The following GPC5 variants were observed in gnomAD, a reference collection of about 807,000 sequenced individuals.
The protein encoded by GPC5 is glypican 5.
In GPC5, 47 loss-of-function variants were observed where a neutral mutation model predicts 53.9. The ratio of observed to expected loss-of-function variants is 0.87; its 90% CI spans 0.69 to 1.11. GPC5 has a LOEUF of 1.11. Among genes scored for constraint, GPC5 ranks in the 50% most tolerant of loss-of-function variants. The pLI is 0.00. For missense variants in GPC5, 748 were observed against 713.1 expected, an observed-to-expected ratio of 1.05 and a Z score of -0.56; for synonymous variants, 286 against 263.3, an observed-to-expected ratio of 1.09 and a Z score of -0.84.
At chr13:92,641,986 C>T (rs962151201) in intron 7 of GPC5, among the ~76,000 whole-genome samples, 1 of 151,886 alleles carries the variant, frequency 6.6e-6, no homozygotes, top group Admixed American at 6.6e-5. Context: ...TATTCTGTTA[C>T]CAGATTTGTA....
chr13:92,409,974 G>T (rs1875969214), intron 7 of GPC5, among the ~76,000 whole-genome samples: 3 of 152,194 alleles, frequency 2.0e-5, no homozygotes, highest in Admixed American at 2.0e-4. Flanking sequence ...GTGTGTATGT[G>T]TGTGTATGCA....
intron 6 of GPC5, among the ~76,000 whole-genome samples, chr13:92,109,527 C>A (rs1566439058): frequency 6.6e-6 from 1 of 152,142 alleles, no homozygotes; most frequent in East Asian, 1.9e-4. Flanking sequence ...ATCTAAAATT[C>A]TTTTTGATGA....
intron 7 of GPC5, among the ~76,000 whole-genome samples, chr13:92,587,225 A>T (rs149800079): frequency 9.8e-5 from 15 of 152,328 alleles, no homozygotes; most frequent in African/African-American, 3.4e-4. Flanking sequence ...TTGGCATTCT[A>T]TATAAAGAAC....
chr13:92,744,852 C>T (rs926206442), intron 7 of GPC5, among the ~76,000 whole-genome samples: 1 of 151,818 alleles, frequency 6.6e-6, no homozygotes, highest in African/African-American at 2.4e-5. Context: ...TAAAAGATGG[C>T]CAGATGGATA....
At chr13:92,737,688 A>C (rs1472272090) in intron 7 of GPC5, among the ~76,000 whole-genome samples, 1 of 151,650 alleles carries the variant, frequency 6.6e-6, no homozygotes, top group Non-Finnish European at 1.5e-5. Context: ...AGTCTTTTGA[A>C]GTGTGTGGCA....
At chr13:92,040,066 A>T (rs529312511) in intron 6 of GPC5, among the ~76,000 whole-genome samples, 5 of 152,224 alleles carry the variant, frequency 3.3e-5, no homozygotes, top group Non-Finnish European at 7.3e-5. Context: ...AAAAACAATG[A>T]GGATGTTGGT....
At chr13:92,246,031 T>TA (rs970987794) in intron 7 of GPC5, among the ~76,000 whole-genome samples, 2 of 151,148 alleles carry the variant, frequency 1.3e-5, no homozygotes, top group Non-Finnish European at 3.0e-5. Flanking sequence ...AATTCATCAT[T>TA]AAAAAAATCA....
intron 6 of GPC5, among the ~76,000 whole-genome samples, chr13:91,985,260 A>G (rs1407845950): frequency 6.6e-6 from 1 of 152,060 alleles, no homozygotes; most frequent in Admixed American, 6.6e-5. Context: ...ACTGGTATTG[A>G]CATAGTAATT....
chr13:92,676,833 C>T (rs1299870995), intron 7 of GPC5, among the ~76,000 whole-genome samples: 2 of 151,874 alleles, frequency 1.3e-5, no homozygotes, highest in African/African-American at 2.4e-5. Flanking sequence ...GAGTAGAAAC[C>T]TTCTATTCAA....
chr13:92,029,717 A>G (rs994372425), intron 6 of GPC5, among the ~76,000 whole-genome samples: 6 of 151,344 alleles, frequency 4.0e-5, no homozygotes, highest in African/African-American at 1.5e-4. Context: ...TGTTTAACCA[A>G]CTCCCTGGGT....
At chr13:92,664,590 A>G (rs1356743997) in intron 7 of GPC5, among the ~76,000 whole-genome samples, 2 of 152,152 alleles carry the variant, frequency 1.3e-5, no homozygotes, top group Non-Finnish European at 2.9e-5. Context: ...ATGCATGTGA[A>G]AAAATGTCCA....
chr13:92,197,605 C>T (rs903623973), intron 7 of GPC5, among the ~76,000 whole-genome samples: 10 of 152,090 alleles, frequency 6.6e-5, no homozygotes, highest in Admixed American at 4.6e-4. Flanking sequence ...TCAAGAGATC[C>T]TCCCATCTCT....
At chr13:92,368,722 T>C (rs1218124527) in intron 7 of GPC5, among the ~76,000 whole-genome samples, 1 of 151,792 alleles carries the variant, frequency 6.6e-6, no homozygotes, top group African/African-American at 2.4e-5. Context: ...ATTATGAAAT[T>C]TGTGATAGTT....
intron 7 of GPC5, among the ~76,000 whole-genome samples, chr13:92,670,145 G>A (rs1220048542): frequency 6.6e-6 from 1 of 152,110 alleles, no homozygotes; most frequent in African/African-American, 2.4e-5. Context: ...AATGGCTGTT[G>A]TACGCATGTG....
At chr13:91,928,555 T>C (rs1424182840) in intron 6 of GPC5, among the ~76,000 whole-genome samples, 1 of 152,136 alleles carries the variant, frequency 6.6e-6, no homozygotes, top group East Asian at 1.9e-4. Flanking sequence ...AGCCTCATGG[T>C]AGCATAAATG....
At chr13:92,543,381 A>G (rs182137722) in intron 7 of GPC5, among the ~76,000 whole-genome samples, 1 of 151,952 alleles carries the variant, frequency 6.6e-6, no homozygotes, top group East Asian at 1.9e-4. Context: ...TTGTCTCTGT[A>G]TTCTCTTGTG....
intron 7 of GPC5, among the ~76,000 whole-genome samples, chr13:92,801,986 G>C (rs1876923141): frequency 6.6e-6 from 1 of 151,676 alleles, no homozygotes; most frequent in Non-Finnish European, 1.5e-5. Context: ...ATTTAGTTTA[G>C]CCTAAGTTTA....
chr13:92,116,565 G>A (rs1468799312), intron 6 of GPC5, among the ~76,000 whole-genome samples: 3 of 152,182 alleles, frequency 2.0e-5, no homozygotes, highest in East Asian at 3.9e-4. Context: ...TTCATTTTGG[G>A]AGCAAAAATA....
At chr13:91,722,486 G>T (rs1490016059) in intron 3 of GPC5, among the ~76,000 whole-genome samples, 1 of 152,146 alleles carries the variant, frequency 6.6e-6, no homozygotes, top group Non-Finnish European at 1.5e-5. Flanking sequence ...AAATGCAGAA[G>T]CGCCCTCTGG....
Sources: allele counts gnomAD v4.1 joint callset (sites outside exome capture counted in the v4.1 genomes callset), GRCh38; gene constraint gnomAD v4.1.1; transcripts MANE v1.5; gene names NCBI Gene and HGNC (gene_info 2026-07-23, HGNC 2026-07-21).